RPS6KB2: variants seen among roughly 807,000 people sequenced by gnomAD.
RPS6KB2 encodes the protein ribosomal protein S6 kinase B2, also known as ribosomal protein S6 kinase beta-2.
In RPS6KB2, 51 loss-of-function variants were observed where a neutral mutation model predicts 58.2. The observed-to-expected ratio is 0.88, with a 90% CI of 0.70 to 1.11. The LOEUF (loss-of-function observed/expected upper bound fraction) is 1.11. Ranked by LOEUF, RPS6KB2 falls within the 50% of genes least tolerant of loss-of-function variation. The pLI is 0.00. For missense variants in RPS6KB2, 671 were observed against 655.8 expected, an observed-to-expected ratio of 1.02 and a Z score of -0.25; for synonymous variants, 293 against 258.6, an observed-to-expected ratio of 1.13 and a Z score of -1.28.
rs369583304 is a variant in RPS6KB2 at position 67,435,121 on chromosome 11, C to A, written c.1401C>A (p.Pro467=). The change falls in exon 15 of 15, where the codon CCC becomes CCA. Residue 467 remains proline, a synonymous_variant. Transcript: ENST00000312629. ...STTAPLPIRP[P]SGTKKSKRGR... The stretch of plus-strand genomic sequence containing the variant: ...CCGCCCCTCTCCCCATCCGTCCCCC[C>A]TCAGGGACCAAGAAGTCCAAGAGGG... 3.6e-5 allele frequency: 58 copies of A among 1,603,938 alleles called. No individual in the cohort carries two copies. The African/African-American group carries it at 6.2e-4, about 17-fold the overall frequency.
chr11:67,432,327 C>CGTTGT (rs1375637447), intron 5 of RPS6KB2: 4 of 657,908 alleles, frequency 6.1e-6, no homozygotes, highest in Non-Finnish European at 1.1e-5. Flanking sequence ...GTATTAGAGC[C>CGTTGT]GTTGTGTACA....
At chr11:67,434,948 G>C in intron 14 of RPS6KB2, 41 bp from the exon 15 acceptor site, 1 of 1,573,272 alleles carries the variant, frequency 6.4e-7, no homozygotes, top group Non-Finnish European at 8.7e-7. Context: ...GCCTCTGGCA[G>C]GGCCTAGGAG....
intron 1 of RPS6KB2, 167 bp from the exon 2 acceptor site, chr11:67,428,815 C>T (rs1275419854): frequency 1.0e-6 from 1 of 957,734 alleles, no homozygotes; most frequent in Non-Finnish European, 1.6e-6. Context: ...CCAGCCTTTT[C>T]TCCCGATTCT....
chr11:67,430,523 C>G (rs1590971478), intron 4 of RPS6KB2: 1 of 152,050 alleles, frequency 6.6e-6, no homozygotes, highest in Non-Finnish European at 1.5e-5. Flanking sequence ...TCTTGAACTC[C>G]TGACCTCAGG....
At chr11:67,429,416 C>A in intron 3 of RPS6KB2, 111 bp from the exon 4 acceptor site, 1 of 1,361,478 alleles carries the variant, frequency 7.3e-7, no homozygotes, top group East Asian at 2.4e-5. Flanking sequence ...TTCACTGCCC[C>A]ACCCTTGGCA....
Position 67,435,058 on chromosome 11 carries a change from T to A in RPS6KB2, c.1338T>A (p.Pro446=), listed in dbSNP as rs367735867. 6.2e-7 allele frequency: 1 copy of A among 1,612,060 alleles called. No homozygotes were observed. Among genetic ancestry groups the A allele is most frequent in the African/African-American group, 1.3e-5 (1 of 74,910 alleles). ...SPSLPEPTEL[P]LPPLLPPPPP... ...GCCTGCCGGAGCCCACGGAGCTACC[T>A]CTACCTCCACTCCTGCCACCGCCGC... is the stretch of plus-strand genomic sequence containing the variant. Residue 446 remains proline, a synonymous_variant, in exon 15 of 15, where the codon CCT becomes CCA. Coordinates refer to ENST00000312629, the MANE Select transcript of RPS6KB2 (RefSeq NM_003952.3).
chr11:67,434,388 G>C lies in RPS6KB2; in HGVS notation c.1059G>C (p.Glu353Asp). 1 of 1,613,214 alleles carries C rather than the reference G, an allele frequency of 6.2e-7. No homozygotes were observed. Among genetic ancestry groups the C allele is most frequent in the Non-Finnish European group, 8.5e-7 (1 of 1,179,914 alleles). The change falls in exon 13 of 15, where the codon GAG becomes GAC. Residue 353 changes from glutamate (E) to aspartate (D), a missense_variant. Glu to Asp is a conservative substitution (Grantham distance 45). Transcript: ENST00000312629. ...TGGTCGGCCCACAGCAGTCAGAGGA[G>C]GACGTGAGCCAGTTTGATACCCGCT... ...PPFRPCLQSE[E>D]DVSQFDTRFT...
At chr11:67,430,015 T>G (rs949987827) in intron 4 of RPS6KB2, 41 of 165,986 alleles carry the variant, frequency 2.5e-4, no homozygotes, top group African/African-American at 7.0e-4. Flanking sequence ...GGGTTTCGCC[T>G]GGCTGGTCTC....
chr11:67,428,695 C>T (rs959479248), intron 1 of RPS6KB2, 72 bp downstream of exon 1: 10 of 1,421,764 alleles, frequency 7.0e-6, no homozygotes, highest in African/African-American at 2.9e-5. Context: ...GGAGCGGCGG[C>T]TCCGCACGCC....
At chr11:67,432,538 G>A (rs1864062142) in intron 5 of RPS6KB2, 62 bp from the exon 6 acceptor site, 1 of 1,563,954 alleles carries the variant, frequency 6.4e-7, no homozygotes, top group South Asian at 1.1e-5. Flanking sequence ...AAGAAATAAA[G>A]ACTCAGAAAG....
intron 10 of RPS6KB2, 39 bp downstream of exon 10, chr11:67,433,486 C>G: frequency 2.1e-6 from 3 of 1,455,066 alleles, no homozygotes; most frequent in Non-Finnish European, 2.9e-6. Context: ...CCCTGCCAGC[C>G]ATTCTGCACG....
rs745469039 is a variant in RPS6KB2, at chr11:67,428,923, A to C, written c.79-59A>C. 2.6e-5 allele frequency: 42 copies of C among 1,603,818 alleles called. 1 individual carries two copies. The highest frequency in any genetic ancestry group is 3.6e-5 in the Non-Finnish European group (42 of 1,170,840). ...TCCTGGGCCACGCAGTCCAACCTGAACGGGAGCGGGGAGGTATCCTGGCAC... is the reference window on the plus strand; with the variant it reads ...TCCTGGGCCACGCAGTCCAACCTGACCGGGAGCGGGGAGGTATCCTGGCAC... On this transcript the variant is annotated intron_variant, in intron 1 of 14. Transcript: ENST00000312629.
At chr11:67,428,840 C>G in intron 1 of RPS6KB2, 142 bp from the exon 2 acceptor site, 9 of 1,070,498 alleles carry the variant, frequency 8.4e-6, no homozygotes, top group Non-Finnish European at 1.3e-5. Flanking sequence ...TTCCTGCCTT[C>G]GGTTTCTTCC....
intron 4 of RPS6KB2, chr11:67,429,987 T>C (rs1427253932): frequency 5.8e-6 from 1 of 172,954 alleles, no homozygotes; most frequent in East Asian, 1.8e-4. Context: ...CTAATTTTTG[T>C]ACTTTTTTGT....
chr11:67,432,572 CGTGG>C (rs1565146335), intron 5 of RPS6KB2, 24 bp from the exon 6 acceptor site: 1 of 1,613,616 alleles, frequency 6.2e-7, no homozygotes, highest in Non-Finnish European at 8.5e-7. Context: ...GGACCCAGCA[CGTGG>C]CTGCTGACGT....
intron 7 of RPS6KB2, 47 bp downstream of exon 7, chr11:67,432,884 G>C (rs955752488): frequency 6.2e-7 from 1 of 1,608,730 alleles, no homozygotes; most frequent in African/African-American, 1.3e-5. Context: ...TGCAATCTGT[G>C]GGGAGGGCTG....
chr11:67,431,232 G>T lies in RPS6KB2; in HGVS notation c.310-136G>T, dbSNP rs577589717. On this transcript the variant is annotated intron_variant, in intron 4 of 14. Transcript: ENST00000312629. ...TTTAGTAGAGATGGGGTTTCACCAT[G>T]TTGGCCAGGCTGGTCTCAAATTCCT... The T allele has an allele frequency of 8.1e-6, 6 of 737,340 alleles. No homozygotes were observed. The East Asian group carries it at 1.3e-4, about 16-fold the overall frequency. 45.7% of individuals were successfully genotyped at this position (737,340 alleles called of 1,614,324 possible). A position where few individuals can be genotyped will look rare whatever the true frequency, so the allele number is the denominator to read the frequency against.
intron 1 of RPS6KB2, 48 bp downstream of exon 1, chr11:67,428,671 A>C (rs1273948277): frequency 6.5e-7 from 1 of 1,546,364 alleles, no homozygotes; most frequent in Non-Finnish European, 8.8e-7. Flanking sequence ...CGATCCTGTC[A>C]CCCAGCCGAG....
At position 67,433,387 on chromosome 11, in the gene RPS6KB2, CAG is replaced by C. The variant is rs1565147643; in HGVS notation, c.847_848del (p.Arg283GlyfsTer38). 6.2e-6 allele frequency: 10 copies of C among 1,614,018 alleles called. No individual in the cohort carries two copies. The highest frequency in any genetic ancestry group is 8.5e-6 in the Non-Finnish European group (10 of 1,179,984). On this transcript the variant is annotated frameshift_variant, in exon 10 of 15. Transcript: ENST00000312629. LOFTEE classifies it high-confidence loss of function. ...NRKKTMDKII[R>X]GKLALPPYLT... The stretch of plus-strand genomic sequence containing the variant: ...GGAAGAAAACCATGGATAAGATCAT[CAG>C]GGGCAAGCTGGCACTGCCCCCCTAC...
Sources: allele counts gnomAD v4.1 joint callset, GRCh38; gene constraint gnomAD v4.1.1; transcripts MANE v1.5; gene names NCBI Gene and HGNC (gene_info 2026-07-23, HGNC 2026-07-21).